INTU: variants seen among roughly 807,000 people sequenced by gnomAD.
The protein encoded by INTU is inturned planar cell polarity protein, also known as protein inturned.
A neutral mutation model predicts 100.5 loss-of-function variants in INTU; 68 were observed. That is an observed-to-expected ratio of 0.68 (90% CI 0.56 to 0.83). The LOEUF (loss-of-function observed/expected upper bound fraction) is 0.83, where lower values mean the gene tolerates loss of function less well. Ranked by LOEUF, INTU falls within the 40% of genes least tolerant of loss-of-function variation. The pLI, the probability that INTU is intolerant of heterozygous loss-of-function variation, is 0.00. For synonymous variants in INTU, 357 were observed against 395.7 expected (o/e 0.90, Z 1.16); for missense variants, 1,071 against 1,114.7 (o/e 0.96, Z 0.56).
intron 15 of INTU, among the ~76,000 whole-genome samples, chr4:127,716,038 T>G (rs986176051): frequency 4.6e-5 from 7 of 152,170 alleles, no homozygotes; most frequent in Non-Finnish European, 4.4e-5. Context: ...GCTATTGCCT[T>G]TATTATAATA....
intron 2 of INTU, among the ~76,000 whole-genome samples, chr4:127,653,879 G>A (rs899409012): frequency 1.8e-4 from 27 of 151,852 alleles, no homozygotes; most frequent in African/African-American, 4.9e-4. Context: ...AGGTCACTCA[G>A]GACTTGCTTT....
intron 11 of INTU, 60 bp from the exon 12 acceptor site, chr4:127,706,427 C>T: frequency 1.4e-6 from 2 of 1,413,348 alleles, no homozygotes; most frequent in Non-Finnish European, 1.9e-6. Context: ...TATACATGCA[C>T]ATTTTATGTA....
chr4:127,715,372 C>T (rs1195725060), intron 15 of INTU, among the ~76,000 whole-genome samples: 1 of 152,176 alleles, frequency 6.6e-6, no homozygotes, highest in East Asian at 1.9e-4. Context: ...GTATGACAGA[C>T]ACTTTACAGA....
chr4:127,690,177 A>G (rs1478741588), intron 8 of INTU, among the ~76,000 whole-genome samples: 1 of 152,244 alleles, frequency 6.6e-6, no homozygotes, highest in Non-Finnish European at 1.5e-5. Flanking sequence ...TACAGATTCC[A>G]TGTGAAGGCT....
At chr4:127,660,733 C>T (rs888931658) in intron 3 of INTU, among the ~76,000 whole-genome samples, 1 of 152,074 alleles carries the variant, frequency 6.6e-6, no homozygotes, top group Admixed American at 6.6e-5. Context: ...CTGGGCAAAC[C>T]GCACAAAGAA....
intron 5 of INTU, among the ~76,000 whole-genome samples, chr4:127,670,554 A>G (rs989969691): frequency 6.6e-6 from 1 of 151,924 alleles, no homozygotes; most frequent in East Asian, 1.9e-4. Flanking sequence ...AAAAATCTTT[A>G]TTGAGATATA....
At chr4:127,673,241 A>G (rs1027272475) in intron 5 of INTU, among the ~76,000 whole-genome samples, 1 of 152,004 alleles carries the variant, frequency 6.6e-6, no homozygotes, top group South Asian at 2.1e-4. Flanking sequence ...GCATGGTGCA[A>G]TCATGGCTAA....
At chr4:127,650,114 A>T (rs1560832610) in intron 2 of INTU, among the ~76,000 whole-genome samples, 1 of 152,218 alleles carries the variant, frequency 6.6e-6, no homozygotes, top group Non-Finnish European at 1.5e-5. Context: ...AACTGTTTGT[A>T]GACATAGATC....
chr4:127,643,355 A>T (rs1396221389), intron 1 of INTU, among the ~76,000 whole-genome samples, 166 bp from the exon 2 acceptor site: 1 of 152,208 alleles, frequency 6.6e-6, no homozygotes, highest in Non-Finnish European at 1.5e-5. Flanking sequence ...AATGTTGAGG[A>T]TCACAATAAA....
At chr4:127,708,137 C>G (rs1730963032) in intron 12 of INTU, among the ~76,000 whole-genome samples, 1 of 152,156 alleles carries the variant, frequency 6.6e-6, no homozygotes, top group Non-Finnish European at 1.5e-5. Context: ...TAAAGAATTA[C>G]CAAGCCATGA....
chr4:127,682,239 C>T (rs1350021620), intron 6 of INTU, among the ~76,000 whole-genome samples: 1 of 152,002 alleles, frequency 6.6e-6, no homozygotes, highest in Non-Finnish European at 1.5e-5. Flanking sequence ...TTTGACCCAG[C>T]CATCCCATTA....
chr4:127,637,473 A>G (rs1727123822), intron 1 of INTU, among the ~76,000 whole-genome samples: 1 of 152,154 alleles, frequency 6.6e-6, no homozygotes. Context: ...TTTCACACCT[A>G]CACCTTTATG....
intron 2 of INTU, among the ~76,000 whole-genome samples, chr4:127,650,839 A>G (rs1252264356): frequency 6.6e-6 from 1 of 152,132 alleles, no homozygotes; most frequent in African/African-American, 2.4e-5. Flanking sequence ...TCCCACCAAC[A>G]GTGTAAAAGT....
intron 8 of INTU, among the ~76,000 whole-genome samples, chr4:127,689,427 A>G (rs1450178853): frequency 1.3e-5 from 2 of 152,084 alleles, no homozygotes; most frequent in Non-Finnish European, 2.9e-5. Context: ...AGGTGGGAGG[A>G]TCACTTGAGG....
At chr4:127,694,597 A>G (rs1485612314) in intron 8 of INTU, among the ~76,000 whole-genome samples, 1 of 152,128 alleles carries the variant, frequency 6.6e-6, no homozygotes. Flanking sequence ...TGTCATACCC[A>G]GTGTCATCTA....
At chr4:127,711,253 T>C (rs1285561696) in intron 14 of INTU, 151 bp downstream of exon 14, 1 of 519,128 alleles carries the variant, frequency 1.9e-6, no homozygotes, top group Non-Finnish European at 3.2e-6. Context: ...AAAACAATTA[T>C]ACTCACAGTA....
rs80127004 is a variant in INTU at position 127,716,482 on chromosome 4, A to G, written c.*46A>G. The G allele has an allele frequency of 9.8e-3, 8,314 of 844,174 alleles. 488 individuals carry two copies. The African/African-American group carries it at 0.13, about 13-fold the overall frequency. 52.3% of individuals were successfully genotyped at this position (844,174 alleles called of 1,614,324 possible). On this transcript the variant is annotated 3_prime_UTR_variant, in exon 16 of 16. Transcript: ENST00000335251. ...GAAACACGTGCATGGAGGATCAAAC[A>G]CTGTCAGAATTGCTGAAATCAATAC...
At chr4:127,714,238 A>G in intron 15 of INTU, 145 bp downstream of exon 15, 1 of 535,262 alleles carries the variant, frequency 1.9e-6, no homozygotes, top group Non-Finnish European at 3.1e-6. Context: ...TTTGCTAAGT[A>G]TCTCCTTTAA....
rs1157744175 is a variant in INTU, at chr4:127,723,414, A to G, written c.*6978A>G. On this transcript the variant is annotated 3_prime_UTR_variant, in exon 16 of 16. Coordinates refer to ENST00000335251, the MANE Select transcript of INTU (RefSeq NM_015693.4). ...TTTTTTTTTTTTTTTTGCCTCTTGC[A>G]TGTTGGTCACCTCCTAAATTAGTAA... 7.7e-6 allele frequency: 1 copy of G among 130,210 alleles called. No individual in the cohort carries two copies. The highest frequency in any genetic ancestry group is 2.4e-4 in the South Asian group (1 of 4,212). 8.1% of individuals were successfully genotyped at this position (130,210 alleles called of 1,614,324 possible).
Sources: allele counts gnomAD v4.1 joint callset (sites outside exome capture counted in the v4.1 genomes callset), GRCh38; gene constraint gnomAD v4.1.1; transcripts MANE v1.5; gene names NCBI Gene and HGNC (gene_info 2026-07-23, HGNC 2026-07-21).